The following TEF variants were observed in gnomAD, a reference collection of about 807,000 sequenced individuals.
TEF encodes the protein thyrotroph embryonic factor.
Under a neutral mutation model 20.8 loss-of-function variants are expected in TEF, and 3 were observed. That is an observed-to-expected ratio of 0.14 (90% CI 0.07 to 0.37). The LOEUF is 0.37. TEF is among the 10% of genes least tolerant of loss of function. The pLI, the probability that TEF is intolerant of heterozygous loss-of-function variation, is 1.00. For synonymous variants in TEF, 180 were observed against 171.1 expected (o/e 1.05, Z -0.41); for missense variants, 296 against 397.9 (o/e 0.74, Z 2.18).
At chr22:41,395,572 G>T (rs150309852) in intron 3 of TEF, among the ~76,000 whole-genome samples, 173 bp from the exon 4 acceptor site, 3 of 152,044 alleles carry the variant, frequency 2.0e-5, no homozygotes, top group Non-Finnish European at 4.4e-5. Context: ...TCCTGCCCCC[G>T]AGGAAAGGGC....
chr22:41,383,175 T>C (rs1233920527), intron 1 of TEF, among the ~76,000 whole-genome samples: 1 of 152,014 alleles, frequency 6.6e-6, no homozygotes, highest in Non-Finnish European at 1.5e-5. Flanking sequence ...GGGGAATGGA[T>C]TTTCCTTTTT....
chr22:41,387,759 G>A, intron 2 of TEF, 91 bp downstream of exon 2: 1 of 1,344,290 alleles, frequency 7.4e-7, no homozygotes, highest in Non-Finnish European at 1.0e-6. Context: ...TACCCAGTGA[G>A]TCCCTTCTCT....
intron 1 of TEF, among the ~76,000 whole-genome samples, chr22:41,373,822 G>C (rs1350172973): frequency 6.8e-6 from 1 of 146,814 alleles, no homozygotes; most frequent in Non-Finnish European, 1.5e-5. Flanking sequence ...GGAGTGCAAT[G>C]GTGTGGCCTC....
chr22:41,392,096 T>C (rs1180698730), intron 2 of TEF, among the ~76,000 whole-genome samples: 1 of 152,206 alleles, frequency 6.6e-6, no homozygotes, highest in Non-Finnish European at 1.5e-5. Context: ...TGAATAATTA[T>C]TTTGTATACT....
chr22:41,394,694 A>T (rs1403031745), intron 3 of TEF, among the ~76,000 whole-genome samples: 2 of 152,252 alleles, frequency 1.3e-5, no homozygotes, highest in Non-Finnish European at 2.9e-5. Context: ...GGGATGAGCA[A>T]GCAGCTTTCA....
At chr22:41,391,098 T>G (rs766299450) in intron 2 of TEF, among the ~76,000 whole-genome samples, 1 of 152,142 alleles carries the variant, frequency 6.6e-6, no homozygotes, top group Non-Finnish European at 1.5e-5. Flanking sequence ...CATTCACTCC[T>G]CTGACACTCA....
At chr22:41,372,588 GGTGGGTACCCAT>G (rs779315119) in intron 1 of TEF, among the ~76,000 whole-genome samples, 12 of 152,096 alleles carry the variant, frequency 7.9e-5, no homozygotes, top group Non-Finnish European at 1.8e-4. Context: ...CTACCCATAG[GGTGGGTACCCAT>G]GTGGGTACCA....
At chr22:41,387,280 G>T (rs2037109453) in intron 1 of TEF, 71 bp from the exon 2 acceptor site, 2 of 1,535,732 alleles carry the variant, frequency 1.3e-6, no homozygotes, top group Non-Finnish European at 1.8e-6. Flanking sequence ...GGCCTGTGAG[G>T]CTCACTGCCC....
At chr22:41,391,822 C>T (rs968807254) in intron 2 of TEF, among the ~76,000 whole-genome samples, 3 of 152,148 alleles carry the variant, frequency 2.0e-5, no homozygotes, top group Admixed American at 6.6e-5. Context: ...GGGGTTTCAC[C>T]ATGTTGGCCA....
chr22:41,380,311 C>T (rs1395994633), upstream of TEF, among the ~76,000 whole-genome samples: 1 of 152,130 alleles, frequency 6.6e-6, no homozygotes, highest in East Asian at 1.9e-4. Flanking sequence ...AGCCACCATG[C>T]CCGTCTAATT....
intron 1 of TEF, among the ~76,000 whole-genome samples, chr22:41,384,651 A>G (rs1236162414): frequency 6.6e-6 from 1 of 152,084 alleles, no homozygotes; most frequent in Non-Finnish European, 1.5e-5. Flanking sequence ...CCGTCTGCCT[A>G]CCCCTTGTTG....
chr22:41,382,818 G>C, intron 1 of TEF: 1 of 457,414 alleles, frequency 2.2e-6, no homozygotes, highest in Admixed American at 2.4e-5. Context: ...AGGCGCCTTG[G>C]GAGGGGAGTT....
At position 41,387,625 on chromosome 22, in the gene TEF, C is replaced by T. The variant is rs2037114011; in HGVS notation, c.432C>T (p.Ser144=). The T allele has an allele frequency of 4.3e-6, 7 of 1,614,152 alleles. 1 individual carries two copies. Among genetic ancestry groups the T allele is most frequent in the African/African-American group, 2.7e-5 (2 of 75,054 alleles). ...ASSSTASPPS[S]STAIFQPSET... ...CTTCCACAGCATCCCCACCATCCTCCTCCACTGCCATCTTTCAGCCCTCTG... is the reference window on the plus strand; with the variant it reads ...CTTCCACAGCATCCCCACCATCCTCTTCCACTGCCATCTTTCAGCCCTCTG... Residue 144 remains serine, a synonymous_variant, in exon 2 of 4, where the codon TCC becomes TCT. Coordinates refer to ENST00000266304, the MANE Select transcript of TEF (RefSeq NM_003216.4).
In TEF at chr22:41,397,515, C is replaced by T. The variant is rs1306907882; in HGVS notation, c.*1555C>T. 6.3e-6 allele frequency: 1 copy of T among 159,844 alleles called. No individual in the cohort carries two copies. The highest frequency in any genetic ancestry group is 2.4e-5 in the African/African-American group (1 of 41,798). 9.9% of individuals were successfully genotyped at this position (159,844 alleles called of 1,614,324 possible). A position where few individuals can be genotyped will look rare whatever the true frequency, so the allele number is the denominator to read the frequency against. On this transcript the variant is annotated 3_prime_UTR_variant, in exon 4 of 4. Transcript: ENST00000266304. ...CCGTGGTGGTTCAGAGTCCCAGGCC[C>T]TGACCTCTAAAGACTTTTCATAACA...
intron 1 of TEF, among the ~76,000 whole-genome samples, chr22:41,385,145 C>T (rs759779081): frequency 3.7e-4 from 56 of 152,196 alleles, no homozygotes; most frequent in Admixed American, 1.9e-3. Flanking sequence ...GGATGGATCA[C>T]CTGAGGTCGG....
chr22:41,393,910 A>T (rs918690453), intron 2 of TEF, among the ~76,000 whole-genome samples, 186 bp from the exon 3 acceptor site: 1 of 151,896 alleles, frequency 6.6e-6, no homozygotes, highest in Non-Finnish European at 1.5e-5. Flanking sequence ...AATTCTTTGA[A>T]TGTTTGTGTT....
In TEF at chr22:41,397,186, C is replaced by T. The variant is rs1281808815; in HGVS notation, c.*1226C>T. The T allele has an allele frequency of 2.5e-6, 1 of 398,328 alleles. No individual in the cohort carries two copies. The highest frequency in any genetic ancestry group is 4.4e-6 in the Non-Finnish European group (1 of 226,096). The allele number at this position is 398,328 out of a possible 1,614,324, so 24.7% of individuals were successfully genotyped here. On this transcript the variant is annotated 3_prime_UTR_variant, in exon 4 of 4. Transcript: ENST00000266304. ...CAGGCTCTTGGGACTTTTACACAGG[C>T]CTAGGGTCCCCTCAGTCTTGGTCCC...
In TEF at chr22:41,382,155, G is replaced by A; in HGVS notation, c.111G>A (p.Leu37=). The A allele has an allele frequency of 2.4e-6, 3 of 1,242,276 alleles. No homozygotes were observed. Among genetic ancestry groups the A allele is most frequent in the Non-Finnish European group, 2.0e-6 (2 of 993,854 alleles). The allele number at this position is 1,242,276 out of a possible 1,614,324, so 77.0% of individuals were successfully genotyped here. A position where few individuals can be genotyped will look rare whatever the true frequency, so the allele number is the denominator to read the frequency against. The part of the protein sequence containing the change: ...GERGLSGSFP[L]VLKKLMENPP... Reference sequence around the variant, plus strand: ...GGGGCCTGTCGGGGTCCTTCCCCCTGGTCCTGAAGAAGCTGATGGAGAACC... The same window carrying A: ...GGGGCCTGTCGGGGTCCTTCCCCCTAGTCCTGAAGAAGCTGATGGAGAACC... The change falls in exon 1 of 4, where the codon CTG becomes CTA. Residue 37 remains leucine, a synonymous_variant. Coordinates refer to ENST00000266304, the MANE Select transcript of TEF (RefSeq NM_003216.4).
rs962939082 is a variant in TEF at position 41,382,215 on chromosome 22, G to A, written c.157+14G>A. 8.9e-6 allele frequency: 11 copies of A among 1,229,800 alleles called. No individual in the cohort carries two copies. The highest frequency in any genetic ancestry group is 4.2e-5 in the Admixed American group (1 of 23,750). 76.2% of individuals were successfully genotyped at this position (1,229,800 alleles called of 1,614,324 possible). A position where few individuals can be genotyped will look rare whatever the true frequency, so the allele number is the denominator to read the frequency against. On this transcript the variant is annotated intron_variant, in intron 1 of 3. Coordinates refer to ENST00000266304, the MANE Select transcript of TEF (RefSeq NM_003216.4). ...AGGCGCGCCTCGGTGAGGGCGGGGG[G>A]GTGGTCCGCGCGGGCTGGGGGCGGG...
Sources: allele counts gnomAD v4.1 joint callset (sites outside exome capture counted in the v4.1 genomes callset), GRCh38; gene constraint gnomAD v4.1.1; transcripts MANE v1.5; gene names NCBI Gene and HGNC (gene_info 2026-07-23, HGNC 2026-07-21).